Variants in RPS6KC1 observed in about 807,000 individuals in gnomAD.
RPS6KC1 encodes the protein ribosomal protein S6 kinase C1.
Under a neutral mutation model 103.8 loss-of-function variants are expected in RPS6KC1, and 54 were observed. The ratio of observed to expected loss-of-function variants is 0.52; its 90% CI spans 0.42 to 0.65. The LOEUF is 0.65. RPS6KC1 is among the 30% of genes least tolerant of loss of function. The pLI, the probability that RPS6KC1 is intolerant of heterozygous loss-of-function variation, is 0.00. For synonymous variants in RPS6KC1, 439 were observed against 438.7 expected (o/e 1.00, Z -0.01); for missense variants, 1,151 against 1,253.8 (o/e 0.92, Z 1.24).
At chr1:213,336,956 G>A in the RPS6KC1 span, among the ~76,000 whole-genome samples, 7 of 152,108 alleles carry the variant, frequency 4.6e-5, no homozygotes, top group African/African-American at 1.7e-4. Flanking sequence ...CTGTGCAAAG[G>A]GGTGACAGTA....
the RPS6KC1 span, among the ~76,000 whole-genome samples, chr1:213,744,905 C>G: frequency 1.3e-5 from 2 of 152,232 alleles, no homozygotes; most frequent in African/African-American, 4.8e-5. Context: ...GGAACAGGCT[C>G]TCTGCTGACC....
chr1:213,452,503 GT>G, the RPS6KC1 span, among the ~76,000 whole-genome samples: 5 of 151,764 alleles, frequency 3.3e-5, no homozygotes, highest in Admixed American at 1.3e-4. Flanking sequence ...TTGCTTCTTG[GT>G]GTGAGCTTCT....
intron 6 of RPS6KC1, among the ~76,000 whole-genome samples, chr1:213,149,507 GT>G (rs1157819271): frequency 6.6e-6 from 1 of 152,140 alleles, no homozygotes; most frequent in Non-Finnish European, 1.5e-5. Context: ...GTCAGAGAAG[GT>G]CCTTGAAACA....
At chr1:213,788,661 A>T in the RPS6KC1 span, among the ~76,000 whole-genome samples, 1 of 152,136 alleles carries the variant, frequency 6.6e-6, no homozygotes, top group Non-Finnish European at 1.5e-5. Context: ...GGAGAGGGCA[A>T]TTCTGGTCAC....
chr1:213,328,737 C>T, the RPS6KC1 span, among the ~76,000 whole-genome samples: 2 of 151,658 alleles, frequency 1.3e-5, no homozygotes, highest in African/African-American at 2.4e-5. Flanking sequence ...GACACACTGT[C>T]CTGTGTCATT....
the RPS6KC1 span, among the ~76,000 whole-genome samples, chr1:213,356,516 C>T: frequency 2.6e-5 from 4 of 152,016 alleles, no homozygotes; most frequent in Non-Finnish European, 5.9e-5. Flanking sequence ...ATTAGCGGGG[C>T]GTGATAGCAG....
At chr1:213,261,460 C>A in intron 12 of RPS6KC1, 98 bp from the exon 13 acceptor site, 1 of 1,052,064 alleles carries the variant, frequency 9.5e-7, no homozygotes, top group Non-Finnish European at 1.5e-6. Context: ...AGTATATGCT[C>A]TCTCAGCATT....
chr1:213,650,225 A>G, the RPS6KC1 span, among the ~76,000 whole-genome samples: 1 of 152,232 alleles, frequency 6.6e-6, no homozygotes, highest in South Asian at 2.1e-4. Context: ...GTTAGAAGCA[A>G]AAGCATTAAG....
the RPS6KC1 span, among the ~76,000 whole-genome samples, chr1:213,773,261 C>A: frequency 8.6e-3 from 491 of 57,146 alleles, 3 homozygotes; most frequent in Non-Finnish European, 0.013. Flanking sequence ...CCCTTTGGAG[C>A]GAGAGAATGG....
chr1:213,506,896 C>A, the RPS6KC1 span, among the ~76,000 whole-genome samples: 158 of 152,262 alleles, frequency 1.0e-3, no homozygotes, highest in South Asian at 5.0e-3. Flanking sequence ...AGTGCTATTA[C>A]TTTTAGGCAG....
the RPS6KC1 span, among the ~76,000 whole-genome samples, chr1:213,612,030 C>G: frequency 6.6e-6 from 1 of 152,192 alleles, no homozygotes; most frequent in Non-Finnish European, 1.5e-5. Flanking sequence ...CAGCTTCTGT[C>G]CTTAAGGTGC....
chr1:213,189,938 G>A (rs2092689121), intron 8 of RPS6KC1, among the ~76,000 whole-genome samples: 1 of 152,122 alleles, frequency 6.6e-6, no homozygotes, highest in Non-Finnish European at 1.5e-5. Context: ...TTCACTTAAT[G>A]TAATTTGACC....
chr1:213,759,858 C>T, the RPS6KC1 span, among the ~76,000 whole-genome samples: 1 of 152,228 alleles, frequency 6.6e-6, no homozygotes, highest in Non-Finnish European at 1.5e-5. Flanking sequence ...CTCTAGCAAG[C>T]CCCCTCCTTC....
chr1:213,441,778 T>G, the RPS6KC1 span, among the ~76,000 whole-genome samples: 8 of 152,202 alleles, frequency 5.3e-5, no homozygotes, highest in Non-Finnish European at 1.0e-4. Flanking sequence ...TTCTATTGGA[T>G]AGTGTGGTGA....
chr1:213,588,014 G>A, the RPS6KC1 span, among the ~76,000 whole-genome samples: 4 of 152,202 alleles, frequency 2.6e-5, no homozygotes. Context: ...GGCATCTGCT[G>A]AGGGCCTGTT....
chr1:213,199,540 G>A (rs1460886245), intron 8 of RPS6KC1, among the ~76,000 whole-genome samples: 4 of 152,098 alleles, frequency 2.6e-5, no homozygotes, highest in South Asian at 2.1e-4. Flanking sequence ...AGCCAACCTC[G>A]TCCTGAATGG....
intron 1 of RPS6KC1, among the ~76,000 whole-genome samples, chr1:213,059,735 T>C (rs1191562602): frequency 2.0e-5 from 3 of 151,882 alleles, no homozygotes; most frequent in African/African-American, 7.3e-5. Flanking sequence ...TGCAATGGCG[T>C]GATCTTGGCT....
chr1:213,102,965 G>A (rs2148763533), intron 3 of RPS6KC1, among the ~76,000 whole-genome samples: 1 of 152,184 alleles, frequency 6.6e-6, no homozygotes, highest in East Asian at 1.9e-4. Flanking sequence ...CCAGCACTTT[G>A]GGAGGCCTAG....
At chr1:213,720,291 T>A in the RPS6KC1 span, among the ~76,000 whole-genome samples, 1 of 152,204 alleles carries the variant, frequency 6.6e-6, no homozygotes, top group Non-Finnish European at 1.5e-5. Flanking sequence ...AGTAACAACA[T>A]CTATCATTAG....
Sources: allele counts gnomAD v4.1 joint callset (sites outside exome capture counted in the v4.1 genomes callset), GRCh38; gene constraint gnomAD v4.1.1; transcripts MANE v1.5; gene names NCBI Gene and HGNC (gene_info 2026-07-23, HGNC 2026-07-21).